The following IPO4 variants were observed in gnomAD, a reference collection of about 807,000 sequenced individuals.
IPO4 encodes the protein importin-4.
A neutral mutation model predicts 133.5 loss-of-function variants in IPO4; 91 were observed. The observed-to-expected ratio is 0.68, with a 90% CI of 0.58 to 0.81. The LOEUF (loss-of-function observed/expected upper bound fraction) is 0.81, where lower values mean the gene tolerates loss of function less well. Among genes scored for constraint, IPO4 ranks in the 30% least tolerant of loss-of-function variants. The probability of loss-of-function intolerance (pLI) is 0.00; values close to 1 mark genes in which losing one functional copy is unlikely to be tolerated. For synonymous variants in IPO4, 607 were observed against 581.6 expected (o/e 1.04, Z -0.63); for missense variants, 1,279 against 1,386.2 (o/e 0.92, Z 1.23).
Position 24,182,975 on chromosome 14 carries a change from C to A in IPO4, c.2421+1G>T. ...TCCCGAAGCCCACCTGCCCTGCTCA[C>A]CTTCCTCTGCAGCACAGCCTTGAGC... On this transcript the variant is annotated splice_donor_variant, in intron 23 of 29. Transcript: ENST00000354464. LOFTEE classifies it high-confidence loss of function. 2 of 1,613,134 alleles carry A rather than the reference C, an allele frequency of 1.2e-6. No individual in the cohort carries two copies. The highest frequency in any genetic ancestry group is 1.7e-6 in the Non-Finnish European group (2 of 1,179,292).
chr14:24,184,961 G>T lies in IPO4; in HGVS notation c.1428C>A (p.Tyr476Ter). ...VENLGPKVQP[Y>*]LPELMECMLQ... ...GCATGCATTCCATAAGCTCCGGAAG[G>T]TAGGGCTGCACCTTGGGCCCTGTGG... The change falls in exon 15 of 30, where the codon TAC becomes TAA. Residue 476 changes from tyrosine (Y) to a stop codon, truncating the protein, a stop_gained. Transcript: ENST00000354464. LOFTEE classifies it high-confidence loss of function. The T allele has an allele frequency of 6.2e-7, 1 of 1,613,936 alleles. No individual in the cohort carries two copies.
intron 12 of IPO4, 110 bp from the exon 13 acceptor site, chr14:24,185,677 G>C: frequency 9.1e-7 from 1 of 1,100,164 alleles, no homozygotes; most frequent in Non-Finnish European, 1.4e-6. Flanking sequence ...CCTGTCACCA[G>C]AGGGTGGGCA....
chr14:24,180,781 TCAGGG>T (rs769424439), intron 28 of IPO4, 23 bp from the exon 29 acceptor site: 9 of 1,610,536 alleles, frequency 5.6e-6, no homozygotes, highest in Non-Finnish European at 7.6e-6. Flanking sequence ...AGTGGCTGAC[TCAGGG>T]CAGCAGCCCC....
At chr14:24,184,497 A>G in intron 16 of IPO4, 79 bp from the exon 17 acceptor site, 2 of 1,516,428 alleles carry the variant, frequency 1.3e-6, no homozygotes, top group Non-Finnish European at 1.8e-6. Context: ...GGAGGGATTC[A>G]GAAATCCCGC....
intron 28 of IPO4, 41 bp downstream of exon 28, chr14:24,181,472 G>A: frequency 2.0e-6 from 3 of 1,491,490 alleles, no homozygotes; most frequent in Non-Finnish European, 2.7e-6. Context: ...ACTGAGTGGA[G>A]CGGCACGTTC....
At position 24,185,235 on chromosome 14, in the gene IPO4, T is replaced by G; in HGVS notation, c.1356A>C (p.Thr452=). 6.2e-7 allele frequency: 1 copy of G among 1,614,104 alleles called. No homozygotes were observed. Among genetic ancestry groups the G allele is most frequent in the Non-Finnish European group, 8.5e-7 (1 of 1,179,994 alleles). ...AYLKSVPLGH[T]HHLAKACYAL... ...CATAGCAGGCCTTGGCTAGGTGGTG[T>G]GTGTGTCCAAGAGGCACCGACTTCA... Residue 452 remains threonine (T), a synonymous_variant, in exon 14 of 30, where the codon ACA becomes ACC. Transcript: ENST00000354464.
In IPO4 at chr14:24,187,149, G is replaced by A; in HGVS notation, c.590C>T (p.Pro197Leu). The A allele has an allele frequency of 6.2e-7, 1 of 1,613,668 alleles. No individual in the cohort carries two copies. The highest frequency in any genetic ancestry group is 8.5e-7 in the Non-Finnish European group (1 of 1,179,732). ...MAPYLSTEDV[P>L]LARMLVPKLI... ...CTTGGGCACCAACATCCGAGCGAGA[G>A]GCTGAGGGACACATCACAGAGAGCA... Residue 197 changes from proline to leucine, a missense_variant and splice_region_variant, in exon 7 of 30, where the codon CCT (proline) becomes CTT (leucine). Physicochemically the swap from Pro to Leu is moderately conservative, Grantham distance 98. Transcript: ENST00000354464.
intron 4 of IPO4, 163 bp from the exon 5 acceptor site, chr14:24,187,959 A>G: frequency 1.2e-6 from 1 of 838,606 alleles, no homozygotes; most frequent in Non-Finnish European, 1.9e-6. Context: ...GGAGCCCAAC[A>G]GCACTGTGGG....
At position 24,182,810 on chromosome 14, in the gene IPO4, T is replaced by TTCC; in HGVS notation, c.2451_2453dup (p.Glu820dup). ...CTCTCACCTGATCATCATCTTCCTC[T>TTCC]TCCTCCTCCTCGTCAGTATCCTGAC... On this transcript the variant is annotated inframe_insertion, in exon 24 of 30. Transcript: ENST00000354464. 13 of 1,614,184 alleles carry TTCC rather than the reference T, an allele frequency of 8.1e-6. No homozygotes were observed. Among genetic ancestry groups the TTCC allele is most frequent in the Non-Finnish European group, 1.0e-5 (12 of 1,180,006 alleles).
chr14:24,188,202 G>A lies in IPO4; in HGVS notation c.278+14C>T. The stretch of plus-strand genomic sequence containing the variant: ...AAGTCGTCAAGATCCCGAGAGAAGT[G>A]GGTAGGTACTTACTCTGTTTCTCTC... On this transcript the variant is annotated intron_variant, in intron 4 of 29. Transcript: ENST00000354464. The A allele has an allele frequency of 1.2e-6, 2 of 1,611,866 alleles. No homozygotes were observed. Among genetic ancestry groups the A allele is most frequent in the East Asian group, 4.5e-5 (2 of 44,836 alleles).
Position 24,187,670 on chromosome 14 carries a change from T to C in IPO4, c.405A>G (p.Arg135=). 2.5e-6 allele frequency: 4 copies of C among 1,614,000 alleles called. No homozygotes were observed. The highest frequency in any genetic ancestry group is 3.4e-6 in the Non-Finnish European group (4 of 1,179,890). The change falls in exon 5 of 30, where the codon AGA becomes AGG. Residue 135 remains arginine (R), a synonymous_variant. Transcript: ENST00000354464. ...HSTHSPHSPE[R]EMGLLLLSVV... ...CCTGCCAACCATGTGATGGTACCTC[T>C]CTCTCTGGGCTGTGGGGGCTGTGGG...
In IPO4 at chr14:24,182,595, G is replaced by A. The variant is rs1407125078; in HGVS notation, c.2473-192C>T. The A allele has an allele frequency of 2.1e-5, 20 of 945,494 alleles. No individual in the cohort carries two copies. In the East Asian group the frequency reaches 4.1e-4, roughly 19 times the overall value. 58.6% of individuals were successfully genotyped at this position (945,494 alleles called of 1,614,324 possible). A position where few individuals can be genotyped will look rare whatever the true frequency, so the allele number is the denominator to read the frequency against. On this transcript the variant is annotated intron_variant, in intron 24 of 29. Coordinates refer to ENST00000354464, the MANE Select transcript of IPO4 (RefSeq NM_024658.4). ...CTTCTGCTCCTACCTATCACTCCAA[G>A]CACACCCCAGTCCACACTGCTCTCC...
In IPO4 at chr14:24,184,756, A is replaced by G; in HGVS notation, c.1530T>C (p.Ala510=). ...AGTAGGGCAGCAGCGAGGCCTGGGC[A>G]GCCGTAGCTGCAGGATGGAAGGACA... ...AVSALGAIAT[A]AQASLLPYFP... The change falls in exon 16 of 30, where the codon GCT becomes GCC. Residue 510 remains alanine, a synonymous_variant. Coordinates refer to ENST00000354464, the MANE Select transcript of IPO4 (RefSeq NM_024658.4). 2.5e-6 allele frequency: 4 copies of G among 1,612,468 alleles called. No individual in the cohort carries two copies. Among genetic ancestry groups the G allele is most frequent in the Non-Finnish European group, 3.4e-6 (4 of 1,179,138 alleles).
chr14:24,184,577 C>T (rs1594440477), intron 16 of IPO4, 73 bp downstream of exon 16: 3 of 1,410,828 alleles, frequency 2.1e-6, no homozygotes, highest in East Asian at 4.9e-5. Context: ...CCTGTGGGGG[C>T]AATCTGTCAA....
In IPO4 at chr14:24,184,317, G is replaced by A. The variant is rs11550452; in HGVS notation, c.1738C>T (p.Pro580Ser). The change falls in exon 17 of 30, where the codon CCT becomes TCT. Residue 580 changes from proline to serine, a missense_variant. By Grantham distance (74) the Pro-to-Ser change is moderately conservative (BLOSUM62 -1). Around this residue, in one of 3 missense-constraint regions of IPO4, gnomAD observed 575 missense variants for 653.4 expected, o/e 0.88. Coordinates refer to ENST00000354464, the MANE Select transcript of IPO4 (RefSeq NM_024658.4). ...GLGLCDQVDDPDLRRCTYSLF... is the reference protein window; with the variant it reads ...GLGLCDQVDDSDLRRCTYSLF... ...ACTCACGTGCAGCGCCGCAAGTCAG[G>A]GTCGTCTACCTGGTCGCAGAGGCCC... 3 of 1,583,536 alleles carry A rather than the reference G, an allele frequency of 1.9e-6. 1 individual carries two copies. Among genetic ancestry groups the A allele is most frequent in the South Asian group, 2.3e-5 (2 of 87,452 alleles).
At position 24,183,173 on chromosome 14, in the gene IPO4, G is replaced by A. The variant is rs755767211; in HGVS notation, c.2228-4C>T. On this transcript the variant is annotated splice_polypyrimidine_tract_variant and splice_region_variant and intron_variant, in intron 22 of 29. Transcript: ENST00000354464. Reference sequence around the variant, plus strand: ...CGGGCCAGGGCAGCCTGCAAAGCTGGGGACATTATTGGCTGAAGCACCAGT... The same window carrying A: ...CGGGCCAGGGCAGCCTGCAAAGCTGAGGACATTATTGGCTGAAGCACCAGT... 20 of 1,610,704 alleles carry A rather than the reference G, an allele frequency of 1.2e-5. No homozygotes were observed. The highest frequency in any genetic ancestry group is 1.4e-5 in the Non-Finnish European group (17 of 1,177,528).
chr14:24,180,860 G>A lies in IPO4; in HGVS notation c.3046-102C>T, dbSNP rs1451879425. Reference sequence around the variant, plus strand: ...GGCAGAATCTCTTATCAGGGGGGTGGTTGCACCTGGTACTGATTCACAGGC... The same window carrying A: ...GGCAGAATCTCTTATCAGGGGGGTGATTGCACCTGGTACTGATTCACAGGC... On this transcript the variant is annotated intron_variant, in intron 28 of 29. Transcript: ENST00000354464. 3 of 861,832 alleles carry A rather than the reference G, an allele frequency of 3.5e-6. No homozygotes were observed. The African/African-American group carries it at 5.1e-5, about 15-fold the overall frequency. 53.4% of individuals were successfully genotyped at this position (861,832 alleles called of 1,614,324 possible).
chr14:24,188,116 C>T, intron 4 of IPO4, 100 bp downstream of exon 4: 2 of 1,265,388 alleles, frequency 1.6e-6, no homozygotes, highest in Non-Finnish European at 2.3e-6. Flanking sequence ...GCGTCTAGAA[C>T]TGAAGTCCCT....
intron 29 of IPO4, 52 bp downstream of exon 29, chr14:24,180,637 C>A: frequency 6.2e-7 from 1 of 1,612,798 alleles, no homozygotes; most frequent in East Asian, 2.2e-5. Flanking sequence ...GCTCTCTGAG[C>A]CCTGCCACTC....
Sources: gnomAD v4.1 joint callset for allele counts on GRCh38, gnomAD v4.1.1 for gene constraint, gnomAD v4.1.1 regional missense constraint, MANE v1.5 for transcripts, NCBI Gene and HGNC (gene_info 2026-07-23, HGNC 2026-07-21) for gene names.